The following GNA12 variants were observed in gnomAD, a reference collection of about 807,000 sequenced individuals.
GNA12 encodes G protein subunit alpha 12, also known as guanine nucleotide-binding protein subunit alpha-12.
GNA12 carries 9 observed loss-of-function variants against 26.0 expected under a neutral mutation model. That is an observed-to-expected ratio of 0.35 (90% CI 0.21 to 0.60). The LOEUF (loss-of-function observed/expected upper bound fraction) is 0.60, where lower values mean the gene tolerates loss of function less well. Among genes scored for constraint, GNA12 ranks in the 20% least tolerant of loss-of-function variants. The pLI is 0.78. For missense variants in GNA12, 405 were observed against 525.8 expected (o/e 0.77, Z 2.25); for synonymous variants, 264 against 219.6 (o/e 1.20, Z -1.79).
At chr7:2,817,664 A>G (rs938831980) in intron 1 of GNA12, among the ~76,000 whole-genome samples, 1 of 152,246 alleles carries the variant, frequency 6.6e-6, no homozygotes, top group Non-Finnish European at 1.5e-5. Context: ...TGCTGAAAAC[A>G]GCCCCTGGCA....
At chr7:2,762,565 C>T (rs1791612314) in intron 2 of GNA12, 3 of 1,438,200 alleles carry the variant, frequency 2.1e-6, no homozygotes, top group African/African-American at 1.4e-5. Flanking sequence ...GATCCAATGA[C>T]ATTTCCTGAA....
intron 2 of GNA12, among the ~76,000 whole-genome samples, chr7:2,744,669 C>T (rs750496876): frequency 2.6e-5 from 4 of 152,136 alleles, no homozygotes; most frequent in Non-Finnish European, 5.9e-5. Flanking sequence ...GCTGGATGGA[C>T]AATGACTTTG....
At chr7:2,795,538 G>A (rs1792642779) in intron 1 of GNA12, among the ~76,000 whole-genome samples, 1 of 151,442 alleles carries the variant, frequency 6.6e-6, no homozygotes. Context: ...TGAGCGGGGA[G>A]GATTGCTTGA....
Position 2,795,145 on chromosome 7 carries a change from T to C in GNA12, c.310-2A>G. 1 of 1,608,330 alleles carries C rather than the reference T, an allele frequency of 6.2e-7. No individual in the cohort carries two copies. Among genetic ancestry groups the C allele is most frequent in the Non-Finnish European group, 8.5e-7 (1 of 1,175,598 alleles). ...TGCATCAACAAGAACCCTTGAGCCC[T>C]AGAAAATAAAAGAAAGAAGAGAGGA... On this transcript the variant is annotated splice_acceptor_variant, in intron 1 of 3. Coordinates refer to ENST00000275364, the MANE Select transcript of GNA12 (RefSeq NM_007353.3). LOFTEE classifies it high-confidence loss of function.
At chr7:2,759,232 C>A (rs1447689069) in intron 2 of GNA12, among the ~76,000 whole-genome samples, 1 of 151,336 alleles carries the variant, frequency 6.6e-6, no homozygotes, top group Non-Finnish European at 1.5e-5. Context: ...AAATATAACG[C>A]TGAAGAAATA....
intron 2 of GNA12, among the ~76,000 whole-genome samples, chr7:2,763,855 G>T (rs1791689862): frequency 6.6e-6 from 1 of 152,226 alleles, no homozygotes; most frequent in African/African-American, 2.4e-5. Flanking sequence ...GGCCTCCATG[G>T]CTGGCAGAGA....
In GNA12 at chr7:2,731,141, G is replaced by C. The variant is rs751100340; in HGVS notation, c.*40C>G. 2.2e-6 allele frequency: 3 copies of C among 1,389,064 alleles called. No homozygotes were observed. The highest frequency in any genetic ancestry group is 2.5e-5 in the South Asian group (2 of 80,318). The allele number at this position is 1,389,064 out of a possible 1,614,324, so 86.0% of individuals were successfully genotyped here. A position where few individuals can be genotyped will look rare whatever the true frequency, so the allele number is the denominator to read the frequency against. On this transcript the variant is annotated 3_prime_UTR_variant, in exon 4 of 4. Transcript: ENST00000275364. The surrounding 1 kb of genome is among the most constrained non-coding windows in gnomAD (Gnocchi z 6.0). ...ACCCAAGAGTCTGACCGACAGCCGT[G>C]GGGGCTGCTCAACGACGACAAACCC...
intron 2 of GNA12, among the ~76,000 whole-genome samples, chr7:2,784,461 G>C (rs777138201): frequency 6.6e-6 from 1 of 152,172 alleles, no homozygotes; most frequent in Non-Finnish European, 1.5e-5. Flanking sequence ...AAATTCCTGG[G>C]ACGATGAATT....
chr7:2,736,239 C>G (rs376667765), intron 2 of GNA12, among the ~76,000 whole-genome samples: 4 of 152,290 alleles, frequency 2.6e-5, no homozygotes, highest in African/African-American at 7.2e-5. Context: ...CCTGCCAAGA[C>G]GAGCCCAGAG....
At chr7:2,767,923 C>T (rs371865216) in intron 2 of GNA12, among the ~76,000 whole-genome samples, 4 of 152,178 alleles carry the variant, frequency 2.6e-5, no homozygotes, top group Admixed American at 6.5e-5. Context: ...GGTACAATCT[C>T]GGCTCACTGC....
intron 2 of GNA12, among the ~76,000 whole-genome samples, chr7:2,766,004 T>C (rs190962601): frequency 1.1e-4 from 16 of 152,246 alleles, no homozygotes; most frequent in African/African-American, 3.1e-4. Context: ...ACCATCTTAA[T>C]CATTTTAAAA....
chr7:2,736,733 AAG>A (rs1790199077), intron 2 of GNA12, among the ~76,000 whole-genome samples: 2 of 152,318 alleles, frequency 1.3e-5, no homozygotes, highest in East Asian at 3.9e-4. Context: ...CGGTGGGAGA[AAG>A]ACACACGCTC....
At chr7:2,735,504 A>G (rs1790123809) in intron 2 of GNA12, among the ~76,000 whole-genome samples, 1 of 152,184 alleles carries the variant, frequency 6.6e-6, no homozygotes, top group African/African-American at 2.4e-5. Flanking sequence ...AAAGCACCAC[A>G]GAGGGCACAA....
chr7:2,741,312 G>A (rs968850059), intron 2 of GNA12, among the ~76,000 whole-genome samples: 1 of 151,994 alleles, frequency 6.6e-6, no homozygotes, highest in Admixed American at 6.5e-5. Flanking sequence ...CCATGATTGC[G>A]CCACTGCACT....
Position 2,757,129 on chromosome 7 carries a change from C to CTTTTTT in GNA12, c.526-23634_526-23629dup, listed in dbSNP as rs71026549. Among the ~76,000 whole-genome samples the CTTTTTT allele has an allele frequency of 2.0e-3, 189 of 93,982 alleles. 8 individuals carry two copies. Among genetic ancestry groups the CTTTTTT allele is most frequent in the African/African-American group, 7.6e-3 (174 of 22,996 alleles). 61.7% of individuals were successfully genotyped at this position (93,982 alleles called of 152,430 possible). ...GCAGGCCCGATCTAATCAGGTGGGCCTTTTTTTTTTTTTTTTTTTTTTTTG... is the reference window on the plus strand; with the variant it reads ...GCAGGCCCGATCTAATCAGGTGGGCCTTTTTTTTTTTTTTTTTTTTTTTTTTTTTTG... On this transcript the variant is annotated intron_variant, in intron 2 of 3. Transcript: ENST00000275364.
intron 1 of GNA12, among the ~76,000 whole-genome samples, chr7:2,810,956 A>C (rs1225077293): frequency 2.0e-5 from 3 of 152,140 alleles, no homozygotes; most frequent in Non-Finnish European, 4.4e-5. Context: ...AACATGTGGA[A>C]GGAGGCCCTG....
chr7:2,750,341 T>C (rs886679485), intron 2 of GNA12, among the ~76,000 whole-genome samples: 1 of 152,188 alleles, frequency 6.6e-6, no homozygotes, highest in African/African-American at 2.4e-5. Flanking sequence ...GAACAGAAGA[T>C]GATGCCAGAG....
At chr7:2,793,248 T>C (rs1383155999) in intron 2 of GNA12, among the ~76,000 whole-genome samples, 3 of 149,602 alleles carry the variant, frequency 2.0e-5, no homozygotes, top group Non-Finnish European at 4.4e-5. Flanking sequence ...CTAAACACAA[T>C]GGGGGATTCC....
chr7:2,740,588 T>C (rs78069301), intron 2 of GNA12, among the ~76,000 whole-genome samples: 1,700 of 152,294 alleles, frequency 0.011, 34 homozygotes, highest in African/African-American at 0.038. Flanking sequence ...AGCCGACAAA[T>C]ATAATTATGA....
Sources: gnomAD v4.1 joint callset for allele counts (sites outside exome capture counted in the v4.1 genomes callset) on GRCh38, gnomAD v4.1.1 for gene constraint, Gnocchi (gnomAD v3.1) non-coding constraint, MANE v1.5 for transcripts, NCBI Gene and HGNC (gene_info 2026-07-23, HGNC 2026-07-21) for gene names.